The following MSI2 variants were observed in gnomAD, a reference collection of about 807,000 sequenced individuals.
The protein encoded by MSI2 is RNA-binding protein Musashi homolog 2.
In MSI2, 17 loss-of-function variants were observed where a neutral mutation model predicts 45.6. The ratio of observed to expected loss-of-function variants is 0.37; its 90% CI spans 0.26 to 0.56. MSI2 has a LOEUF of 0.56. Among genes scored for constraint, MSI2 ranks in the 20% least tolerant of loss-of-function variants. The pLI is 0.77. For missense variants in MSI2, 293 were observed against 444.2 expected (o/e 0.66, Z 3.06); for synonymous variants, 156 against 158.2 (o/e 0.99, Z 0.11).
intron 5 of MSI2, among the ~76,000 whole-genome samples, chr17:57,366,355 C>T (rs867292891): frequency 7.9e-5 from 12 of 152,216 alleles, no homozygotes; most frequent in Admixed American, 3.9e-4. Flanking sequence ...GCCCTTCTCA[C>T]GCCTCTTCCC....
chr17:57,346,248 T>C (rs1041633470), intron 5 of MSI2, among the ~76,000 whole-genome samples: 7 of 151,806 alleles, frequency 4.6e-5, no homozygotes, highest in Non-Finnish European at 1.0e-4. Context: ...GAGAATTGCA[T>C]AGAAATTGCA....
intron 8 of MSI2, chr17:57,602,129 G>A (rs1905949699): frequency 6.6e-6 from 1 of 152,092 alleles, no homozygotes; most frequent in African/African-American, 2.4e-5. Context: ...ATGACCCACG[G>A]GCCATATGCG....
intron 6 of MSI2, among the ~76,000 whole-genome samples, chr17:57,445,596 T>C (rs1024022378): frequency 6.6e-6 from 1 of 152,086 alleles, no homozygotes; most frequent in Non-Finnish European, 1.5e-5. Flanking sequence ...GTAGGTTTAA[T>C]TGTATAAAGA....
At chr17:57,632,790 G>A (rs1045479800) in intron 10 of MSI2, 119 of 1,065,324 alleles carry the variant, frequency 1.1e-4, no homozygotes, top group Non-Finnish European at 1.3e-4. Flanking sequence ...GAAGTGACCC[G>A]CACGCTTCCA....
At chr17:57,587,478 A>G (rs1468142376) in intron 7 of MSI2, among the ~76,000 whole-genome samples, 1 of 152,036 alleles carries the variant, frequency 6.6e-6, no homozygotes, top group Non-Finnish European at 1.5e-5. Context: ...GTTCCATGGA[A>G]CTAGATTGGA....
At chr17:57,288,959 G>A (rs534705277) in intron 5 of MSI2, among the ~76,000 whole-genome samples, 6 of 152,324 alleles carry the variant, frequency 3.9e-5, no homozygotes, top group African/African-American at 7.2e-5. Flanking sequence ...CAATTGCCAC[G>A]TGTCTCCTGG....
At chr17:57,548,897 T>TCC (rs2087233427) in intron 7 of MSI2, among the ~76,000 whole-genome samples, 4 of 122,546 alleles carry the variant, frequency 3.3e-5, no homozygotes, top group African/African-American at 1.4e-4. Flanking sequence ...TTGTTTACCC[T>TCC]TCCCCCCCCC....
At chr17:57,520,208 A>G (rs2086555795) in intron 6 of MSI2, among the ~76,000 whole-genome samples, 1 of 152,196 alleles carries the variant, frequency 6.6e-6, no homozygotes, top group Admixed American at 6.5e-5. Context: ...GAGGATAGAC[A>G]TTTTATAACT....
intron 6 of MSI2, among the ~76,000 whole-genome samples, chr17:57,443,615 T>G (rs2084841579): frequency 6.6e-6 from 1 of 152,080 alleles, no homozygotes; most frequent in Non-Finnish European, 1.5e-5. Flanking sequence ...GAAGAGCAAG[T>G]TAGGGGCTGA....
At chr17:57,503,419 G>T (rs1002787789) in intron 6 of MSI2, among the ~76,000 whole-genome samples, 1 of 152,332 alleles carries the variant, frequency 6.6e-6, no homozygotes, top group Non-Finnish European at 1.5e-5. Context: ...TGGGTGATTT[G>T]TATTTTCTTC....
At chr17:57,314,932 G>C (rs370585673) in intron 5 of MSI2, among the ~76,000 whole-genome samples, 8 of 152,298 alleles carry the variant, frequency 5.3e-5, no homozygotes, top group African/African-American at 1.9e-4. Flanking sequence ...TGAGAAACAT[G>C]AGTCCAGAGC....
chr17:57,504,083 T>G (rs1467283506), intron 6 of MSI2, among the ~76,000 whole-genome samples: 1 of 152,192 alleles, frequency 6.6e-6, no homozygotes, highest in Non-Finnish European at 1.5e-5. Context: ...ACCATGGCTC[T>G]GACCTCTCAA....
intron 6 of MSI2, among the ~76,000 whole-genome samples, chr17:57,511,349 C>T (rs772850554): frequency 3.3e-5 from 5 of 152,126 alleles, no homozygotes; most frequent in Non-Finnish European, 5.9e-5. Flanking sequence ...GCGACCCACC[C>T]GCTCAAATAT....
intron 6 of MSI2, among the ~76,000 whole-genome samples, chr17:57,510,708 G>A (rs1035927988): frequency 1.3e-5 from 2 of 152,202 alleles, no homozygotes; most frequent in Admixed American, 6.5e-5. Flanking sequence ...GATTACAGGC[G>A]TGAGCCACCA....
intron 6 of MSI2, among the ~76,000 whole-genome samples, chr17:57,423,289 G>A (rs149081766): frequency 0.011 from 1,599 of 152,262 alleles, 22 homozygotes; most frequent in Middle Eastern, 0.02. Context: ...TTCGCCATTC[G>A]AGTTAGATTT....
chr17:57,538,249 C>T (rs1003420237), intron 7 of MSI2, among the ~76,000 whole-genome samples: 3 of 151,950 alleles, frequency 2.0e-5, no homozygotes, highest in South Asian at 4.2e-4. Context: ...GGCCAGGGGT[C>T]GCCGCAAGCC....
chr17:57,545,691 C>G (rs370613977), intron 7 of MSI2, among the ~76,000 whole-genome samples: 1 of 152,168 alleles, frequency 6.6e-6, no homozygotes, highest in African/African-American at 2.4e-5. Context: ...GAGAAGACAG[C>G]CATTCTCTCC....
Position 57,450,255 on chromosome 17 carries a change from T to TAGAAAGAAAGAAAGAAAGA in MSI2, c.405+48785_405+48786insGAAAGAAAGAAAGAAAGAA, listed in dbSNP as rs1567830518. The TAGAAAGAAAGAAAGAAAGA allele has an allele frequency of 7.6e-4, 58 of 76,014 alleles. 3 individuals are homozygous for TAGAAAGAAAGAAAGAAAGA. Among genetic ancestry groups the TAGAAAGAAAGAAAGAAAGA allele is most frequent in the Admixed American group, 4.9e-3 (31 of 6,312 alleles). 4.7% of individuals were successfully genotyped at this position (76,014 alleles called of 1,614,324 possible). On this transcript the variant is annotated intron_variant, in intron 6 of 13. Transcript: ENST00000284073. ...CAACTGGAAATGGTATTCCCCAGCT[T>TAGAAAGAAAGAAAGAAAGA]AAAGAAAGAAAGAAAGAAAGAAAGA... is the stretch of plus-strand genomic sequence containing the variant.
intron 6 of MSI2, among the ~76,000 whole-genome samples, chr17:57,481,089 A>C (rs1223599143): frequency 6.6e-6 from 1 of 152,186 alleles, no homozygotes; most frequent in East Asian, 1.9e-4. Flanking sequence ...TGGTAATTAC[A>C]AATGCCTTTA....
Sources: allele counts gnomAD v4.1 joint callset (sites outside exome capture counted in the v4.1 genomes callset), GRCh38; gene constraint gnomAD v4.1.1; transcripts MANE v1.5; gene names NCBI Gene and HGNC (gene_info 2026-07-23, HGNC 2026-07-21).